Variants in COL28A1 observed in about 807,000 individuals in gnomAD.
COL28A1 encodes collagen alpha-1(XXVIII) chain.
Under a neutral mutation model 150.2 loss-of-function variants are expected in COL28A1, and 161 were observed. The observed-to-expected ratio is 1.07, with a 90% CI of 0.94 to 1.22. The LOEUF (loss-of-function observed/expected upper bound fraction) is 1.22, where lower values mean the gene tolerates loss of function less well. Ranked by LOEUF, COL28A1 falls within the 50% of genes most tolerant of loss-of-function variation. The pLI is 0.00. For synonymous variants in COL28A1, 552 were observed against 469.7 expected (o/e 1.18, Z -2.26); for missense variants, 1,617 against 1,388.3 (o/e 1.16, Z -2.62).
chr7:7,456,898 G>T (rs930194616), intron 15 of COL28A1, among the ~76,000 whole-genome samples: 2 of 152,214 alleles, frequency 1.3e-5, no homozygotes, highest in African/African-American at 4.8e-5. Flanking sequence ...AAGAGGCAGC[G>T]ATGATTTTGG....
At position 7,446,535 on chromosome 7, in the gene COL28A1, G is replaced by C. The variant is rs544126727; in HGVS notation, c.1510-2046C>G. 2.0e-5 allele frequency among the ~76,000 whole-genome samples: 3 copies of C among 152,162 alleles called. No individual in the cohort carries two copies. The South Asian group carries it at 6.2e-4, about 32-fold the overall frequency. On this transcript the variant is annotated intron_variant, in intron 18 of 34. Coordinates refer to ENST00000399429, the MANE Select transcript of COL28A1 (RefSeq NM_001037763.3). ...CTTACCAAACTTCTAAACTTTTGAA[G>C]AACAGTTATTCCCTATCTTATACAA... is the stretch of plus-strand genomic sequence containing the variant.
At chr7:7,391,455 T>C (rs1311182506) in intron 27 of COL28A1, among the ~76,000 whole-genome samples, 8 of 152,198 alleles carry the variant, frequency 5.3e-5, no homozygotes, top group Non-Finnish European at 1.2e-4. Flanking sequence ...CATATTCTGC[T>C]GATTTGGGGT....
At chr7:7,400,989 T>G (rs897729391) in intron 27 of COL28A1, among the ~76,000 whole-genome samples, 8 of 144,234 alleles carry the variant, frequency 5.5e-5, no homozygotes, top group African/African-American at 1.8e-4. Flanking sequence ...TGTGTGTGTG[T>G]GTGTGTGTGT....
At chr7:7,377,499 ACT>A (rs1185641964) in intron 30 of COL28A1, among the ~76,000 whole-genome samples, 1 of 152,240 alleles carries the variant, frequency 6.6e-6, no homozygotes, top group East Asian at 1.9e-4. Context: ...AAGGAGGCAG[ACT>A]CTGACCAGGC....
At chr7:7,453,418 C>T in intron 17 of COL28A1, 22 bp downstream of exon 17, 1 of 1,007,396 alleles carries the variant, frequency 9.9e-7, no homozygotes, top group South Asian at 1.3e-5. Context: ...ATATTAAACT[C>T]CGCTCTCATT....
intron 23 of COL28A1, among the ~76,000 whole-genome samples, chr7:7,433,633 C>T (rs1326404495): frequency 8.7e-6 from 1 of 115,252 alleles, no homozygotes; most frequent in Non-Finnish European, 1.7e-5. Context: ...GGCTCTGTCT[C>T]ATTTAAAAAA....
Position 7,444,418 on chromosome 7 carries a change from C to T in COL28A1, c.1581G>A (p.Lys527=), listed in dbSNP as rs773429637. 4 of 1,613,492 alleles carry T rather than the reference C, an allele frequency of 2.5e-6. No individual in the cohort carries two copies. Among genetic ancestry groups the T allele is most frequent in the East Asian group, 2.2e-5 (1 of 44,810 alleles). ...VPGEDGAAGK[K]GEAGLPGARG... ...AGTAATACGAAAAACTTGGTGTTACCTTCTTCCCTGCAGCTCCATCTTCTC... is the reference window on the plus strand; with the variant it reads ...AGTAATACGAAAAACTTGGTGTTACTTTCTTCCCTGCAGCTCCATCTTCTC... The change falls in exon 19 of 35, where the codon AAG becomes AAA. Residue 527 remains lysine, a splice_region_variant and synonymous_variant. Coordinates refer to ENST00000399429, the MANE Select transcript of COL28A1 (RefSeq NM_001037763.3).
intron 11 of COL28A1, among the ~76,000 whole-genome samples, chr7:7,493,243 G>C (rs1780025608): frequency 1.3e-5 from 2 of 151,938 alleles, no homozygotes; most frequent in African/African-American, 4.8e-5. Context: ...TTATATATTT[G>C]GTAGAGAATT....
At position 7,477,157 on chromosome 7, in the gene COL28A1, T is replaced by TA. The variant is rs1363900322; in HGVS notation, c.1187dup (p.Pro397ThrfsTer17). 3.0e-6 allele frequency: 4 copies of TA among 1,329,314 alleles called. No individual in the cohort carries two copies. Among genetic ancestry groups the TA allele is most frequent in the Non-Finnish European group, 3.3e-6 (3 of 919,674 alleles). The allele number at this position is 1,329,314 out of a possible 1,614,324, so 82.3% of individuals were successfully genotyped here. On this transcript the variant is annotated frameshift_variant, in exon 14 of 35. Transcript: ENST00000399429. LOFTEE classifies it high-confidence loss of function. ...CTCCGGGTAAGCCCCTCTCTCCTGG[T>TA]ACTCCCTCAGGACCACGGGGACCCT... is the stretch of plus-strand genomic sequence containing the variant.
intron 25 of COL28A1, among the ~76,000 whole-genome samples, chr7:7,426,977 T>G (rs1046875205): frequency 6.6e-6 from 1 of 152,222 alleles, no homozygotes; most frequent in African/African-American, 2.4e-5. Context: ...CAAGTCTGCA[T>G]GATCAAAAAT....
chr7:7,453,466 CG>C lies in COL28A1; in HGVS notation c.1413del (p.Ala472GlnfsTer12). 1 of 1,305,862 alleles carries C rather than the reference CG, an allele frequency of 7.7e-7. No homozygotes were observed. The highest frequency in any genetic ancestry group is 1.1e-6 in the Non-Finnish European group (1 of 900,386). 80.9% of individuals were successfully genotyped at this position (1,305,862 alleles called of 1,614,324 possible). A position where few individuals can be genotyped will look rare whatever the true frequency, so the allele number is the denominator to read the frequency against. On this transcript the variant is annotated frameshift_variant, in exon 17 of 35. Coordinates refer to ENST00000399429, the MANE Select transcript of COL28A1 (RefSeq NM_001037763.3). LOFTEE classifies it high-confidence loss of function. ...TTGGAACCAGGTAAGCCCTGTCCTG[CG>C]GGCCCTTGTGGACCAGGTGGACCAA... ...GPIGPPGPQG[P>X]AGQGLPGSKG...
Position 7,531,841 on chromosome 7 carries a change from A to G in COL28A1, c.188T>C (p.Leu63Pro), listed in dbSNP as rs1431441376. The change falls in exon 3 of 35, where the codon CTC becomes CCC. Residue 63 changes from leucine (L) to proline (P), a missense_variant. Coordinates refer to ENST00000399429, the MANE Select transcript of COL28A1 (RefSeq NM_001037763.3). ...CACAAAATCTTTCTGTTTATCAAAG[A>G]GGGCAATTTTAGAACTTTCAGAGCT... ...VDSSESSKIALFDKQKDFVDS... is the reference protein window; with the variant it reads ...VDSSESSKIAPFDKQKDFVDS... The G allele has an allele frequency of 1.9e-6, 3 of 1,608,134 alleles. No homozygotes were observed. Among genetic ancestry groups the G allele is most frequent in the African/African-American group, 1.3e-5 (1 of 74,790 alleles).
In COL28A1 at chr7:7,506,336, G is replaced by A. The variant is rs150056627; in HGVS notation, c.973-269C>T. ...CCTGTGTTTCCAACATTATTCCAAC[G>A]TTCTTGACTCCTTTTAAAAAATATT... On this transcript the variant is annotated intron_variant, in intron 10 of 34. Transcript: ENST00000399429. 2.2e-3 allele frequency among the ~76,000 whole-genome samples: 336 copies of A among 152,206 alleles called. 3 individuals are homozygous for A. Among genetic ancestry groups the A allele is most frequent in the South Asian group, 4.8e-3 (23 of 4,824 alleles).
chr7:7,355,493 C>G (rs115360152), downstream of COL28A1, among the ~76,000 whole-genome samples: 1,835 of 152,152 alleles, frequency 0.012, 38 homozygotes, highest in African/African-American at 0.041. Context: ...GGCTGTAGTC[C>G]TAGCTACTCA....
chr7:7,493,059 T>A (rs1583497194), intron 11 of COL28A1, among the ~76,000 whole-genome samples: 1 of 115,052 alleles, frequency 8.7e-6, no homozygotes, highest in East Asian at 2.7e-4. Flanking sequence ...TAATATATAA[T>A]ATATATATAT....
chr7:7,504,272 G>A (rs971995605), intron 11 of COL28A1, among the ~76,000 whole-genome samples: 3 of 152,234 alleles, frequency 2.0e-5, no homozygotes, highest in South Asian at 2.1e-4. Flanking sequence ...CAAGGCAGGA[G>A]GATTCCTTGA....
Position 7,359,290 on chromosome 7 carries a change from CAA to C in COL28A1, c.3206-487_3206-486del, listed in dbSNP as rs5882121. Reference sequence around the variant, plus strand: ...TATCAAAGGAAAACTCTTTAAGTTACAAAAAAAAAAAAAGTAAAATGAAGGAC... The same window carrying C: ...TATCAAAGGAAAACTCTTTAAGTTACAAAAAAAAAAAGTAAAATGAAGGAC... On this transcript the variant is annotated intron_variant, in intron 34 of 34. Transcript: ENST00000399429. 3.1e-3 allele frequency among the ~76,000 whole-genome samples: 449 copies of C among 144,868 alleles called. 1 individual carries two copies. Among genetic ancestry groups the C allele is most frequent in the African/African-American group, 7.3e-3 (288 of 39,412 alleles).
In COL28A1 at chr7:7,459,190, A is replaced by G. The variant is rs145528183; in HGVS notation, c.1303-3078T>C. The stretch of plus-strand genomic sequence containing the variant: ...AAAATAACATGCACCATGTCCCAAC[A>G]CCACCTGAAAAAGTTAATTTACTGA... On this transcript the variant is annotated intron_variant, in intron 15 of 34. Coordinates refer to ENST00000399429, the MANE Select transcript of COL28A1 (RefSeq NM_001037763.3). Among the ~76,000 whole-genome samples, 709 of 152,340 alleles carry G rather than the reference A, an allele frequency of 4.7e-3. 5 individuals are homozygous for G. The highest frequency in any genetic ancestry group is 0.022 in the East Asian group (115 of 5,190).
chr7:7,473,380 G>A (rs1788590222), intron 15 of COL28A1, among the ~76,000 whole-genome samples: 1 of 152,030 alleles, frequency 6.6e-6, no homozygotes, highest in Non-Finnish European at 1.5e-5. Flanking sequence ...GTGGGCTAAG[G>A]ACATGAATAC....
Sources: allele counts gnomAD v4.1 joint callset (sites outside exome capture counted in the v4.1 genomes callset), GRCh38; gene constraint gnomAD v4.1.1; transcripts MANE v1.5; gene names NCBI Gene and HGNC (gene_info 2026-07-23, HGNC 2026-07-21).